The following BRIP1 variants were observed in gnomAD, a reference collection of about 807,000 sequenced individuals.
The protein encoded by BRIP1 is BRCA1 interacting DNA helicase 1.
BRIP1 carries 88 observed loss-of-function variants against 119.7 expected under a neutral mutation model. That is an observed-to-expected ratio of 0.74 (90% CI 0.62 to 0.88). The LOEUF is 0.88. Ranked by LOEUF, BRIP1 falls within the 40% of genes least tolerant of loss-of-function variation. The pLI is 0.00. For synonymous variants in BRIP1, 443 were observed against 496.5 expected (o/e 0.89, Z 1.43); for missense variants, 1,259 against 1,455.4 (o/e 0.87, Z 2.20).
intron 16 of BRIP1, among the ~76,000 whole-genome samples, chr17:61,728,707 A>G (rs978961451): frequency 1.1e-4 from 17 of 152,304 alleles, no homozygotes; most frequent in African/African-American, 3.8e-4. Context: ...AAGACAGACA[A>G]ATCAAATTCC....
In BRIP1 at chr17:61,856,976, C is replaced by G. The variant is rs2145823906; in HGVS notation, c.379+82G>C. On this transcript the variant is annotated intron_variant, in intron 4 of 19. Coordinates refer to ENST00000259008, the MANE Select transcript of BRIP1 (RefSeq NM_032043.3). This position sits in a 1 kb window ranked among gnomAD's most constrained non-coding sequence, Gnocchi z 5.1. ...TATATAATCAGTTATGCTAACCAAA[C>G]TTATATAAATTAGGGCTTATAACAG... is the stretch of plus-strand genomic sequence containing the variant. 1 of 1,383,670 alleles carries G rather than the reference C, an allele frequency of 7.2e-7. No homozygotes were observed. Among genetic ancestry groups the G allele is most frequent in the Non-Finnish European group, 1.0e-6 (1 of 972,078 alleles). The allele number at this position is 1,383,670 out of a possible 1,614,324, so 85.7% of individuals were successfully genotyped here.
At chr17:61,847,551 TATATC>T (rs1436738549) in intron 5 of BRIP1, among the ~76,000 whole-genome samples, 1 of 152,208 alleles carries the variant, frequency 6.6e-6, no homozygotes, top group African/African-American at 2.4e-5. Flanking sequence ...AGTCCAATCT[TATATC>T]TAATTGGAAA....
intron 17 of BRIP1, among the ~76,000 whole-genome samples, chr17:61,694,630 T>A (rs985266345): frequency 1.3e-5 from 2 of 151,980 alleles, no homozygotes; most frequent in African/African-American, 4.8e-5. Flanking sequence ...ACATTTTACA[T>A]TCCCACCACC....
Position 61,745,124 on chromosome 17 carries a change from T to C in BRIP1, c.2098-533A>G, listed in dbSNP as rs368474881. On this transcript the variant is annotated intron_variant, in intron 14 of 19. Coordinates refer to ENST00000259008, the MANE Select transcript of BRIP1 (RefSeq NM_032043.3). The surrounding 1 kb of genome is among the most constrained non-coding windows in gnomAD (Gnocchi z 4.4). ...GCAGATAAGCTCATTATTTGAATAT[T>C]TGATCATCATTAATAACCTGCATTG... is the stretch of plus-strand genomic sequence containing the variant. 1.3e-5 allele frequency among the ~76,000 whole-genome samples: 2 copies of C among 152,192 alleles called. No individual in the cohort carries two copies. The highest frequency in any genetic ancestry group is 1.9e-4 in the East Asian group (1 of 5,196).
At position 61,823,174 on chromosome 17, in the gene BRIP1, A is replaced by T. The variant is rs893397840; in HGVS notation, c.628-14417T>A. The stretch of plus-strand genomic sequence containing the variant: ...ACAAGTAATGCAACATCTGGCTTAT[A>T]GTAGTTTTCACTTAGAACAATGCAT... On this transcript the variant is annotated intron_variant, in intron 6 of 19. Coordinates refer to ENST00000259008, the MANE Select transcript of BRIP1 (RefSeq NM_032043.3). This position sits in a 1 kb window ranked among gnomAD's most constrained non-coding sequence, Gnocchi z 4.8. Among the ~76,000 whole-genome samples the T allele has an allele frequency of 6.6e-6, 1 of 152,250 alleles. No individual in the cohort carries two copies. Among genetic ancestry groups the T allele is most frequent in the Non-Finnish European group, 1.5e-5 (1 of 68,042 alleles).
intron 13 of BRIP1, among the ~76,000 whole-genome samples, chr17:61,777,754 C>A (rs1182306609): frequency 6.6e-6 from 1 of 152,212 alleles, no homozygotes; most frequent in South Asian, 2.1e-4. Flanking sequence ...GTTCAGCTAT[C>A]TGGAAGCTCT....
At chr17:61,784,536 C>G in intron 10 of BRIP1, 112 bp from the exon 11 acceptor site, 1 of 984,720 alleles carries the variant, frequency 1.0e-6, no homozygotes, top group South Asian at 1.4e-5. Context: ...TTTAGGTGAA[C>G]AGAATTGCTA....
Position 61,707,937 on chromosome 17 carries a change from C to CAGCCT in BRIP1, c.2492+8013_2492+8014insAGGCT, listed in dbSNP as rs1465171948. Among the ~76,000 whole-genome samples the CAGCCT allele has an allele frequency of 5.9e-5, 9 of 151,768 alleles. No homozygotes were observed. The East Asian group carries it at 1.7e-3, about 29-fold the overall frequency. ...TCTCGGCTCACTGCAACCTCCGCCT[C>CAGCCT]CCAGGTTCAAGTGATTCTCCTGCCT... On this transcript the variant is annotated intron_variant, in intron 17 of 19. Coordinates refer to ENST00000259008, the MANE Select transcript of BRIP1 (RefSeq NM_032043.3).
In BRIP1 at chr17:61,754,002, C is replaced by T. The variant is rs2077168586; in HGVS notation, c.2098-9411G>A. ...CTAGACTCTAAACATTTCTCACTAT[C>T]TTTACTGCTACCACAGTGGTCCAAG... On this transcript the variant is annotated intron_variant, in intron 14 of 19. Transcript: ENST00000259008. The surrounding 1 kb of genome is among the most constrained non-coding windows in gnomAD (Gnocchi z 4.1). 6.6e-6 allele frequency among the ~76,000 whole-genome samples: 1 copy of T among 152,178 alleles called. No individual in the cohort carries two copies. The highest frequency in any genetic ancestry group is 6.5e-5 in the Admixed American group (1 of 15,274).
At chr17:61,781,149 T>A in intron 11 of BRIP1, 144 bp from the exon 12 acceptor site, 1 of 720,830 alleles carries the variant, frequency 1.4e-6, no homozygotes, top group Non-Finnish European at 2.3e-6. Flanking sequence ...TCCTTACCAT[T>A]AATTAAATTC....
rs2078145328 is a variant in BRIP1 at position 61,810,470 on chromosome 17, T to C, written c.628-1713A>G. Among the ~76,000 whole-genome samples the C allele has an allele frequency of 6.6e-6, 1 of 152,212 alleles. No homozygotes were observed. Among genetic ancestry groups the C allele is most frequent in the Admixed American group, 6.5e-5 (1 of 15,290 alleles). ...TAACTCAATTAGAATTAATTTACTTTTTCATACCATCAATTTTTTCCCTCA... is the reference window on the plus strand; with the variant it reads ...TAACTCAATTAGAATTAATTTACTTCTTCATACCATCAATTTTTTCCCTCA... On this transcript the variant is annotated intron_variant, in intron 6 of 19. Transcript: ENST00000259008. This position sits in a 1 kb window ranked among gnomAD's most constrained non-coding sequence, Gnocchi z 4.7.
intron 10 of BRIP1, among the ~76,000 whole-genome samples, chr17:61,788,834 T>C (rs1436399495): frequency 6.6e-6 from 1 of 151,996 alleles, no homozygotes; most frequent in East Asian, 1.9e-4. Flanking sequence ...TGGCTCATGC[T>C]TGTAATCCTA....
In BRIP1 at chr17:61,743,278, TAA is replaced by T; in HGVS notation, c.2258-146_2258-145del. The T allele has an allele frequency of 8.8e-7, 1 of 1,140,600 alleles. No individual in the cohort carries two copies. The highest frequency in any genetic ancestry group is 1.3e-6 in the Non-Finnish European group (1 of 797,468). 70.7% of individuals were successfully genotyped at this position (1,140,600 alleles called of 1,614,324 possible). ...AAAACACTATTATGAGATAAAGTTT[TAA>T]AAGTTCAATGTCTTTAAGTAAATAA... On this transcript the variant is annotated intron_variant, in intron 15 of 19. Transcript: ENST00000259008. This position sits in a 1 kb window ranked among gnomAD's most constrained non-coding sequence, Gnocchi z 4.3.
In BRIP1 at chr17:61,760,239, T is replaced by C. The variant is rs371929386; in HGVS notation, c.2098-15648A>G. Among the ~76,000 whole-genome samples, 1 of 151,138 alleles carries C rather than the reference T, an allele frequency of 6.6e-6. No individual in the cohort carries two copies. Among genetic ancestry groups the C allele is most frequent in the Non-Finnish European group, 1.5e-5 (1 of 67,448 alleles). On this transcript the variant is annotated intron_variant, in intron 14 of 19. Transcript: ENST00000259008. This position sits in a 1 kb window ranked among gnomAD's most constrained non-coding sequence, Gnocchi z 4.6. Reference sequence around the variant, plus strand: ...AATTAAAAGGGAAATTTAAAAAAAATATATTGAGACAAACAAAAATGGAAA... The same window carrying C: ...AATTAAAAGGGAAATTTAAAAAAAACATATTGAGACAAACAAAAATGGAAA...
At position 61,689,622 on chromosome 17, in the gene BRIP1, A is replaced by G. The variant is rs1463188147; in HGVS notation, c.2576-3457T>C. On this transcript the variant is annotated intron_variant, in intron 18 of 19. Coordinates refer to ENST00000259008, the MANE Select transcript of BRIP1 (RefSeq NM_032043.3). The surrounding 1 kb of genome is among the most constrained non-coding windows in gnomAD (Gnocchi z 4.5). ...TGAACCCAAAAGTCTGTACCAAAACACTTTATAATCAAAGTGTCAAAAGTC... is the reference window on the plus strand; with the variant it reads ...TGAACCCAAAAGTCTGTACCAAAACGCTTTATAATCAAAGTGTCAAAAGTC... Among the ~76,000 whole-genome samples, 1 of 152,170 alleles carries G rather than the reference A, an allele frequency of 6.6e-6. No homozygotes were observed. Among genetic ancestry groups the G allele is most frequent in the Non-Finnish European group, 1.5e-5 (1 of 68,028 alleles).
rs375707584 is a variant in BRIP1 at position 61,695,245 on chromosome 17, A to G, written c.2493-1733T>C. ...TGTCCCAACACCATCTGTTGAAAAG[A>G]CTATTCTTTCTTTGAGTTGTCTTGG... On this transcript the variant is annotated intron_variant, in intron 17 of 19. Transcript: ENST00000259008. This position sits in a 1 kb window ranked among gnomAD's most constrained non-coding sequence, Gnocchi z 4.3. Among the ~76,000 whole-genome samples the G allele has an allele frequency of 2.6e-5, 4 of 152,102 alleles. No homozygotes were observed. Among genetic ancestry groups the G allele is most frequent in the African/African-American group, 9.7e-5 (4 of 41,448 alleles).
At position 61,693,206 on chromosome 17, in the gene BRIP1, CAG is replaced by C. The variant is rs944569317; in HGVS notation, c.2575+222_2575+223del. ...AAGTATAGCGGTGGTTGTCAGTGGA[CAG>C]GGGGGAGAGGGACATGGGGCATTGC... On this transcript the variant is annotated intron_variant, in intron 18 of 19. Transcript: ENST00000259008. This position sits in a 1 kb window ranked among gnomAD's most constrained non-coding sequence, Gnocchi z 4.2. 2.0e-5 allele frequency among the ~76,000 whole-genome samples: 3 copies of C among 151,988 alleles called. No homozygotes were observed. Among genetic ancestry groups the C allele is most frequent in the African/African-American group, 2.4e-5 (1 of 41,372 alleles).
In BRIP1 at chr17:61,753,409, T is replaced by C. The variant is rs188286627; in HGVS notation, c.2098-8818A>G. On this transcript the variant is annotated intron_variant, in intron 14 of 19. Transcript: ENST00000259008. This position sits in a 1 kb window ranked among gnomAD's most constrained non-coding sequence, Gnocchi z 4.6. Reference sequence around the variant, plus strand: ...GATTAAAAGTTTGTTGCCTTTAAGATATCCAAATGGAAATGTTGATATGGC... The same window carrying C: ...GATTAAAAGTTTGTTGCCTTTAAGACATCCAAATGGAAATGTTGATATGGC... Among the ~76,000 whole-genome samples, 8 of 152,288 alleles carry C rather than the reference T, an allele frequency of 5.3e-5. No individual in the cohort carries two copies. The highest frequency in any genetic ancestry group is 8.8e-5 in the Non-Finnish European group (6 of 68,016).
In BRIP1 at chr17:61,808,391, A is replaced by G; in HGVS notation, c.918+76T>C. On this transcript the variant is annotated intron_variant, in intron 7 of 19. Coordinates refer to ENST00000259008, the MANE Select transcript of BRIP1 (RefSeq NM_032043.3). This position sits in a 1 kb window ranked among gnomAD's most constrained non-coding sequence, Gnocchi z 4.1. ...CCGAAGTTGATTATCACTAAAATGTACATATAAAACACATACTGAGTAATT... is the reference window on the plus strand; with the variant it reads ...CCGAAGTTGATTATCACTAAAATGTGCATATAAAACACATACTGAGTAATT... The G allele has an allele frequency of 7.0e-7, 1 of 1,424,922 alleles. No homozygotes were observed. The highest frequency in any genetic ancestry group is 1.4e-5 in the African/African-American group (1 of 70,930). The allele number at this position is 1,424,922 out of a possible 1,614,324, so 88.3% of individuals were successfully genotyped here. A position where few individuals can be genotyped will look rare whatever the true frequency, so the allele number is the denominator to read the frequency against.
Sources: allele counts gnomAD v4.1 joint callset (sites outside exome capture counted in the v4.1 genomes callset), GRCh38; gene constraint gnomAD v4.1.1; non-coding constraint Gnocchi (gnomAD v3.1); transcripts MANE v1.5; gene names NCBI Gene and HGNC (gene_info 2026-07-23, HGNC 2026-07-21).